Variants in EGR2 observed in about 807,000 individuals in gnomAD.
The protein encoded by EGR2 is early growth response 2.
EGR2 carries 2 observed loss-of-function variants against 21.2 expected under a neutral mutation model. The ratio of observed to expected loss-of-function variants is 0.09; its 90% CI spans 0.04 to 0.30. The LOEUF is 0.30. EGR2 is among the 10% of genes least tolerant of loss of function. The pLI, the probability that EGR2 is intolerant of heterozygous loss-of-function variation, is 1.00. For missense variants in EGR2, 458 were observed against 630.2 expected, an observed-to-expected ratio of 0.73 and a Z score of 2.93; for synonymous variants, 282 against 258.2, an observed-to-expected ratio of 1.09 and a Z score of -0.88.
chr10:62,814,617 GC>G lies in EGR2; in HGVS notation c.170-150del. 1 of 797,620 alleles carries G rather than the reference GC, an allele frequency of 1.3e-6. No individual in the cohort carries two copies. Among genetic ancestry groups the G allele is most frequent in the Non-Finnish European group, 2.1e-6 (1 of 474,854 alleles). The allele number at this position is 797,620 out of a possible 1,614,324, so 49.4% of individuals were successfully genotyped here. A position where few individuals can be genotyped will look rare whatever the true frequency, so the allele number is the denominator to read the frequency against. On this transcript the variant is annotated intron_variant, in intron 1 of 1. Transcript: ENST00000242480. The surrounding 1 kb of genome is among the most constrained non-coding windows in gnomAD (Gnocchi z 4.8). ...AAGTCCAAAAGGTGGGGAAATTGAGGCCCACAGACTGTAAGAAGAGGCCAGC... is the reference window on the plus strand; with the variant it reads ...AAGTCCAAAAGGTGGGGAAATTGAGGCCACAGACTGTAAGAAGAGGCCAGC...
At chr10:62,817,300 T>C (rs1287130351), upstream of EGR2, among the ~76,000 whole-genome samples, 1 of 151,882 alleles carries the variant, frequency 6.6e-6, no homozygotes, top group Non-Finnish European at 1.5e-5. This position sits in a 1 kb window ranked among gnomAD's most constrained non-coding sequence, Gnocchi z 4.4. Context: ...CAGACACACA[T>C]ACACACACAC....
At chr10:62,817,920 G>A (rs1027661707), upstream of EGR2, among the ~76,000 whole-genome samples, 1 of 152,248 alleles carries the variant, frequency 6.6e-6, no homozygotes, top group African/African-American at 2.4e-5. This position sits in a 1 kb window ranked among gnomAD's most constrained non-coding sequence, Gnocchi z 4.4. Context: ...CCCAAGTCCA[G>A]CGCACCGCCG....
Position 62,813,362 on chromosome 10 carries a change from G to A in EGR2, c.1276C>T (p.Arg426Trp), listed in dbSNP as rs1399940359. The A allele has an allele frequency of 7.5e-6, 12 of 1,605,374 alleles. No individual in the cohort carries two copies. The highest frequency in any genetic ancestry group is 3.4e-6 in the Non-Finnish European group (4 of 1,173,844). The change falls in exon 2 of 2, where the codon CGG becomes TGG. Residue 426 changes from arginine to tryptophan, a missense_variant. This residue lies in a region of EGR2 where 69 missense variants were observed against 70.4 expected (regional missense o/e 0.98). Transcript: ENST00000242480. The surrounding 1 kb of genome is among the most constrained non-coding windows in gnomAD (Gnocchi z 5.7). The stretch of plus-strand genomic sequence containing the variant: ...GATGCAGAGGGGGCACTGCTTTTCC[G>A]CTCTTTCTGTCTCAGGTGGATCTTG... ...HTKIHLRQKERKSSAPSASVP... is the reference protein window; with the variant it reads ...HTKIHLRQKEWKSSAPSASVP...
chr10:62,814,400 C>G lies in EGR2; in HGVS notation c.238G>C (p.Ala80Pro), dbSNP rs1158907439. The change falls in exon 2 of 2, where the codon GCT (alanine) becomes CCT (proline). Residue 80 changes from alanine (A) to proline (P), a missense_variant. Ala to Pro is a conservative substitution (Grantham distance 27). Transcript: ENST00000242480. The surrounding 1 kb of genome is among the most constrained non-coding windows in gnomAD (Gnocchi z 4.8). ...SLDLPYPSSF[A>P]PVSAPRNQTF... is the part of the protein sequence containing the mutation. Reference sequence around the variant, plus strand: ...TGGTTTCTAGGTGCAGAGACGGGAGCAAAGCTGCTGGGATATGGGAGATCC... The same window carrying G: ...TGGTTTCTAGGTGCAGAGACGGGAGGAAAGCTGCTGGGATATGGGAGATCC... The G allele has an allele frequency of 6.2e-7, 1 of 1,614,124 alleles. No homozygotes were observed.
chr10:62,814,811 G>A lies in EGR2; in HGVS notation c.170-343C>T, dbSNP rs10995315. The stretch of plus-strand genomic sequence containing the variant: ...TATTTTAAAAAGCCTCATCCGCCCG[G>A]AGCTTTTCTCCCTCTTTTTTGCCTG... On this transcript the variant is annotated intron_variant, in intron 1 of 1. Transcript: ENST00000242480. The surrounding 1 kb of genome is among the most constrained non-coding windows in gnomAD (Gnocchi z 4.8). Among the ~76,000 whole-genome samples, 8,777 of 152,252 alleles carry A rather than the reference G, an allele frequency of 0.058. 360 individuals carry two copies. The highest frequency in any genetic ancestry group is 0.2 in the East Asian group (1,037 of 5,176).
Position 62,813,873 on chromosome 10 carries a change from G to T in EGR2, c.765C>A (p.Thr255=). ...GAGTGAGTGGAGGGGGCACCCGCAG[G>T]GTGTCCAGTGGGCAGGGAAAGGGCT... ...DRKPFPCPLD[T]LRVPPPLTPL... Residue 255 remains threonine, a synonymous_variant, in exon 2 of 2, where the codon ACC becomes ACA. Coordinates refer to ENST00000242480, the MANE Select transcript of EGR2 (RefSeq NM_000399.5). This position sits in a 1 kb window ranked among gnomAD's most constrained non-coding sequence, Gnocchi z 5.7. The T allele has an allele frequency of 6.2e-7, 1 of 1,614,188 alleles. No homozygotes were observed. The highest frequency in any genetic ancestry group is 8.5e-7 in the Non-Finnish European group (1 of 1,180,034).
Position 62,813,329 on chromosome 10 carries a change from C to T in EGR2, c.1309G>A (p.Ala437Thr), listed in dbSNP as rs1554853000. 1.3e-6 allele frequency: 2 copies of T among 1,587,862 alleles called. No individual in the cohort carries two copies. The highest frequency in any genetic ancestry group is 1.7e-6 in the Non-Finnish European group (2 of 1,164,592). ...CCAGAGCAGGAGGCTGTAGAGGGGG[C>T]TGGCACCGATGCAGAGGGGGCACTG... ...KSSAPSASVP[A>T]PSTASCSGGV... is the part of the protein sequence containing the mutation. The change falls in exon 2 of 2, where the codon GCC becomes ACC. Residue 437 changes from alanine (A) to threonine (T), a missense_variant. Physicochemically the swap from Ala to Thr is moderately conservative, Grantham distance 58 (BLOSUM62 0). Around this residue, in one of 5 missense-constraint regions of EGR2, gnomAD observed 69 missense variants for 70.4 expected, o/e 0.98. Transcript: ENST00000242480. This position sits in a 1 kb window ranked among gnomAD's most constrained non-coding sequence, Gnocchi z 5.7.
upstream of EGR2, chr10:62,818,460 C>G: frequency 2.6e-6 from 2 of 778,920 alleles, no homozygotes; most frequent in South Asian, 3.9e-5. Flanking sequence ...GATACCCCAC[C>G]CCAGCAAAAA....
chr10:62,818,747 C>T (rs1263481220), upstream of EGR2: 19 of 392,612 alleles, frequency 4.8e-5, no homozygotes, highest in South Asian at 7.4e-4. Context: ...GTGAGGCACC[C>T]ACCGGCAGCA....
At chr10:62,818,705 G>T, upstream of EGR2, 1 of 983,506 alleles carries the variant, frequency 1.0e-6, no homozygotes, top group Non-Finnish European at 1.3e-6. Context: ...CCTGCGATGG[G>T]GCTCGGGTTA....
At chr10:62,815,813 C>T in intron 1 of EGR2, 48 bp downstream of exon 1, 1 of 1,610,154 alleles carries the variant, frequency 6.2e-7, no homozygotes, top group Non-Finnish European at 8.5e-7. Context: ...ACCCCATCCA[C>T]CACCTCCGGG....
chr10:62,818,660 G>A, upstream of EGR2: 2 of 1,249,196 alleles, frequency 1.6e-6, no homozygotes, highest in Non-Finnish European at 2.1e-6. Flanking sequence ...GAGTCCGAAA[G>A]AACGGGGGAA....
At position 62,816,097 on chromosome 10, in the gene EGR2, G is replaced by A. The variant is rs1041735083; in HGVS notation, c.-68C>T. ...GGAGTGTCAGAAAAGCCGTTTTGGA[G>A]AGGGGTTGGACTGAGCCTGGGATGG... On this transcript the variant is annotated 5_prime_UTR_variant, in exon 1 of 2. Coordinates refer to ENST00000242480, the MANE Select transcript of EGR2 (RefSeq NM_000399.5). 3.7e-6 allele frequency: 6 copies of A among 1,613,256 alleles called. No homozygotes were observed. In the African/African-American group the frequency reaches 4.0e-5, roughly 11 times the overall value.
Position 62,816,153 on chromosome 10 carries a change from A to C in EGR2, c.-124T>G. ...CCTTTTGCCCTCCACACTTAAAAACAACCACCACACACACCAAGAAAAAAA... is the reference window on the plus strand; with the variant it reads ...CCTTTTGCCCTCCACACTTAAAAACCACCACCACACACACCAAGAAAAAAA... On this transcript the variant is annotated 5_prime_UTR_variant, in exon 1 of 2. Coordinates refer to ENST00000242480, the MANE Select transcript of EGR2 (RefSeq NM_000399.5). The C allele has an allele frequency of 6.3e-7, 1 of 1,596,300 alleles. No homozygotes were observed.
At chr10:62,818,689 C>G (rs776389821), upstream of EGR2, 15 of 1,093,366 alleles carry the variant, frequency 1.4e-5, no homozygotes, top group Middle Eastern at 2.4e-4. Flanking sequence ...TATGCAAATG[C>G]GGATCCCTGC....
Position 62,812,905 on chromosome 10 carries a change from AC to A in EGR2, c.*301del, listed in dbSNP as rs1842146658. On this transcript the variant is annotated 3_prime_UTR_variant, in exon 2 of 2. Coordinates refer to ENST00000242480, the MANE Select transcript of EGR2 (RefSeq NM_000399.5). The stretch of plus-strand genomic sequence containing the variant: ...AAGTGGGGTAGCAAAACCTAGTCAA[AC>A]AACCCTTTAAAGCAGGGTCAGACCT... 3.3e-6 allele frequency: 1 copy of A among 299,912 alleles called. No homozygotes were observed. Among genetic ancestry groups the A allele is most frequent in the African/African-American group, 2.2e-5 (1 of 46,296 alleles). 18.6% of individuals were successfully genotyped at this position (299,912 alleles called of 1,614,324 possible).
chr10:62,814,251 T>C lies in EGR2; in HGVS notation c.387A>G (p.Ser129=). 2 of 1,614,064 alleles carry C rather than the reference T, an allele frequency of 1.2e-6. No individual in the cohort carries two copies. The highest frequency in any genetic ancestry group is 1.7e-6 in the Non-Finnish European group (2 of 1,179,984). Residue 129 remains serine, a synonymous_variant, in exon 2 of 2, where the codon TCA becomes TCG. Coordinates refer to ENST00000242480, the MANE Select transcript of EGR2 (RefSeq NM_000399.5). The surrounding 1 kb of genome is among the most constrained non-coding windows in gnomAD (Gnocchi z 4.8). ...AGGTGACGCTGGATGAGGCTGTGGT[T>C]GAAGCTGGGGAAGTGACCCCTTGCA... ...GILQGVTSPA[S]TTASSSVTSA...
chr10:62,815,312 C>A (rs968100532), intron 1 of EGR2, among the ~76,000 whole-genome samples: 2 of 152,246 alleles, frequency 1.3e-5, no homozygotes, highest in Non-Finnish European at 1.5e-5. Context: ...GAGCCCCCGC[C>A]TTACTAACCC....
rs759462455 is a variant in EGR2, at chr10:62,813,723, G to T, written c.915C>A (p.Ala305=). The stretch of plus-strand genomic sequence containing the variant: ...GGTGTGGGTTATAGGCGGCGGCGGC[G>T]GCGGCTGCTGCTGCTGCTGAGCTGC... The part of the protein sequence containing the change: ...PGSSSAAAAA[A]AAAAYNPHHL... The change falls in exon 2 of 2, where the codon GCC becomes GCA. Residue 305 remains alanine (A), a synonymous_variant. Transcript: ENST00000242480. This position sits in a 1 kb window ranked among gnomAD's most constrained non-coding sequence, Gnocchi z 5.7. The T allele has an allele frequency of 2.4e-5, 38 of 1,611,080 alleles. No individual in the cohort carries two copies. In the African/African-American group the frequency reaches 4.8e-4, roughly 20 times the overall value.
Sources: gnomAD v4.1 joint callset for allele counts (sites outside exome capture counted in the v4.1 genomes callset) on GRCh38, gnomAD v4.1.1 for gene constraint, gnomAD v4.1.1 regional missense constraint, Gnocchi (gnomAD v3.1) non-coding constraint, MANE v1.5 for transcripts, NCBI Gene and HGNC (gene_info 2026-07-23, HGNC 2026-07-21) for gene names.